The following LARP4B variants were observed in gnomAD, a reference collection of about 807,000 sequenced individuals.
The protein encoded by LARP4B is la-related protein 4B.
LARP4B carries 12 observed loss-of-function variants against 89.8 expected under a neutral mutation model. The ratio of observed to expected loss-of-function variants is 0.13; its 90% CI spans 0.09 to 0.22. LARP4B has a LOEUF of 0.22. Ranked by LOEUF, LARP4B falls within the 10% of genes least tolerant of loss-of-function variation. The pLI, the probability that LARP4B is intolerant of heterozygous loss-of-function variation, is 1.00. For missense variants in LARP4B, 757 were observed against 947.7 expected, an observed-to-expected ratio of 0.80 and a Z score of 2.64; for synonymous variants, 367 against 363.3, an observed-to-expected ratio of 1.01 and a Z score of -0.12.
Position 825,177 on chromosome 10 carries a change from C to T in LARP4B, c.1372G>A (p.Gly458Ser). Residue 458 changes from glycine to serine, a missense_variant, in exon 13 of 18, where the codon GGT (glycine) becomes AGT (serine). Around this residue, in one of 5 missense-constraint regions of LARP4B, gnomAD observed 387 missense variants for 423.6 expected, o/e 0.91. Coordinates refer to ENST00000316157, the MANE Select transcript of LARP4B (RefSeq NM_015155.3). ...TTTTGAATCCGTGTTCTAGTTTGAC[C>T]TGCTTGCCTTGTTTGTGGACTCCGG... ...GVRSPQTRQA[G>S]QTRTRIQNPS... The T allele has an allele frequency of 1.2e-6, 2 of 1,614,206 alleles. No individual in the cohort carries two copies. The highest frequency in any genetic ancestry group is 1.7e-6 in the Non-Finnish European group (2 of 1,180,042).
At chr10:838,026 A>G (rs916195167) in intron 7 of LARP4B, among the ~76,000 whole-genome samples, 8 of 152,198 alleles carry the variant, frequency 5.3e-5, no homozygotes, top group Non-Finnish European at 8.8e-5. Context: ...CATCATTGAC[A>G]ATGTGACCGT....
At chr10:879,016 C>T (rs1246487401) in intron 3 of LARP4B, among the ~76,000 whole-genome samples, 1 of 152,118 alleles carries the variant, frequency 6.6e-6, no homozygotes, top group East Asian at 1.9e-4. Flanking sequence ...GTCACACTTC[C>T]ACAACAAGAG....
At chr10:898,352 G>A (rs906927274) in intron 1 of LARP4B, among the ~76,000 whole-genome samples, 1 of 152,110 alleles carries the variant, frequency 6.6e-6, no homozygotes, top group Non-Finnish European at 1.5e-5. Flanking sequence ...GTTAAACACC[G>A]AGTTACCATA....
intron 1 of LARP4B, among the ~76,000 whole-genome samples, chr10:902,346 C>T (rs1836367315): frequency 1.3e-5 from 2 of 152,216 alleles, no homozygotes; most frequent in Admixed American, 1.3e-4. Context: ...TCATGGCCCT[C>T]GGAGTACCAC....
rs1016955875 is a variant in LARP4B, at chr10:811,977, C to T, written c.*949G>A. On this transcript the variant is annotated 3_prime_UTR_variant, in exon 18 of 18. Transcript: ENST00000316157. ...GGAAAAACCACAAACACCATTCTCT[C>T]ACGATTACATAACTCTTAAATCCAT... is the stretch of plus-strand genomic sequence containing the variant. 1 of 152,498 alleles carries T rather than the reference C, an allele frequency of 6.6e-6. No individual in the cohort carries two copies. The highest frequency in any genetic ancestry group is 1.5e-5 in the Non-Finnish European group (1 of 68,046). 9.4% of individuals were successfully genotyped at this position (152,498 alleles called of 1,614,324 possible).
At chr10:886,116 AAAAT>A (rs904013219) in intron 1 of LARP4B, among the ~76,000 whole-genome samples, 3 of 152,272 alleles carry the variant, frequency 2.0e-5, no homozygotes, top group South Asian at 2.1e-4. Context: ...ACTCGATAGC[AAAAT>A]AAATAAATAA....
At chr10:983,185 TA>T in the LARP4B span, among the ~76,000 whole-genome samples, 1 of 152,254 alleles carries the variant, frequency 6.6e-6, no homozygotes, top group Admixed American at 6.5e-5. Context: ...GCCAATGCAG[TA>T]GGCATCAGTA....
chr10:873,715 T>C (rs566705583), intron 3 of LARP4B, among the ~76,000 whole-genome samples: 3 of 152,154 alleles, frequency 2.0e-5, no homozygotes, highest in African/African-American at 7.2e-5. Flanking sequence ...AAAAAATAAA[T>C]AGCAATAAAA....
the LARP4B span, among the ~76,000 whole-genome samples, chr10:955,716 C>T: frequency 3.3e-5 from 5 of 152,076 alleles, no homozygotes; most frequent in Admixed American, 3.3e-4. This position sits in a 1 kb window ranked among gnomAD's most constrained non-coding sequence, Gnocchi z 5.2. Flanking sequence ...GTTCTTTCTG[C>T]TTTAAGTTGA....
Position 843,025 on chromosome 10 carries a change from T to C in LARP4B, c.553A>G (p.Ser185Gly). 4 of 1,613,888 alleles carry C rather than the reference T, an allele frequency of 2.5e-6. No homozygotes were observed. In the East Asian group the frequency reaches 8.9e-5, roughly 36 times the overall value. ...SDMYLISQMD[S>G]DQYVPITTVA... ...GTTGTGATTGGCACATACTGGTCAC[T>C]ATCCATCTGTGATATAAGATACATG... The change falls in exon 7 of 18, where the codon AGT becomes GGT. Residue 185 changes from serine (S) to glycine (G), a missense_variant. Physicochemically the swap from Ser to Gly is moderately conservative, Grantham distance 56. This residue lies in a region of LARP4B where 54 missense variants were observed against 96.0 expected (regional missense o/e 0.56). Coordinates refer to ENST00000316157, the MANE Select transcript of LARP4B (RefSeq NM_015155.3).
chr10:918,420 C>G (rs1836885439), intron 1 of LARP4B, among the ~76,000 whole-genome samples: 1 of 151,998 alleles, frequency 6.6e-6, no homozygotes. Context: ...ATTGCTTGAG[C>G]CCAGGAGTTT....
the LARP4B span, among the ~76,000 whole-genome samples, chr10:944,759 C>G: frequency 6.6e-6 from 1 of 151,810 alleles, no homozygotes; most frequent in African/African-American, 2.4e-5. Flanking sequence ...AAGTCCTGGC[C>G]CTAAGTTCTA....
intron 3 of LARP4B, among the ~76,000 whole-genome samples, chr10:868,458 G>A (rs1475077715): frequency 1.3e-5 from 2 of 150,990 alleles, no homozygotes; most frequent in South Asian, 2.1e-4. Context: ...ATCGTTAAAC[G>A]TGGTAACGCT....
intron 13 of LARP4B, among the ~76,000 whole-genome samples, chr10:823,143 C>A (rs78663447): frequency 0.018 from 2,748 of 152,274 alleles, 94 homozygotes; most frequent in African/African-American, 0.061. Context: ...CAGAAACAGG[C>A]TGCAGGAGTT....
At chr10:948,458 G>C in the LARP4B span, among the ~76,000 whole-genome samples, 1 of 152,202 alleles carries the variant, frequency 6.6e-6, no homozygotes, top group Non-Finnish European at 1.5e-5. Flanking sequence ...ATGTTGGTCA[G>C]GCAGGTCTCG....
Position 885,665 on chromosome 10 carries a change from C to T in LARP4B, c.57G>A (p.Gln19=). 6.2e-7 allele frequency: 1 copy of T among 1,614,148 alleles called. No homozygotes were observed. Among genetic ancestry groups the T allele is most frequent in the Non-Finnish European group, 8.5e-7 (1 of 1,180,014 alleles). ...CCAGATGAGCGCTGTCCTTGCCCTC[C>T]TGGACTCTCTGCGTCTGCGGTTCAG... ...VVAEPQTQRV[Q]EGKDSAHLMN... Residue 19 remains glutamine, a synonymous_variant, in exon 2 of 18, where the codon CAG becomes CAA. Transcript: ENST00000316157.
chr10:814,879 C>T lies in LARP4B; in HGVS notation c.1821-29G>A. 6.3e-7 allele frequency: 1 copy of T among 1,580,846 alleles called. No homozygotes were observed. Among genetic ancestry groups the T allele is most frequent in the Admixed American group, 1.7e-5 (1 of 58,260 alleles). On this transcript the variant is annotated intron_variant, in intron 16 of 17. Coordinates refer to ENST00000316157, the MANE Select transcript of LARP4B (RefSeq NM_015155.3). The surrounding 1 kb of genome is among the most constrained non-coding windows in gnomAD (Gnocchi z 4.4). ...TAAAAATGCCACCCGATATTTGAAT[C>T]TCATGCAACATCACAGGCCATTCAA...
chr10:951,437 C>A, the LARP4B span, among the ~76,000 whole-genome samples: 6 of 151,870 alleles, frequency 4.0e-5, no homozygotes, highest in African/African-American at 1.2e-4. Context: ...AATCCCAACT[C>A]GAGAGGCTGA....
intron 1 of LARP4B, among the ~76,000 whole-genome samples, chr10:893,080 C>CT (rs578053984): frequency 0.013 from 1,734 of 137,586 alleles, 33 homozygotes; most frequent in African/African-American, 0.043. Flanking sequence ...CCTTTTTTTT[C>CT]TTTTTTTTTT....
Sources: allele counts gnomAD v4.1 joint callset (sites outside exome capture counted in the v4.1 genomes callset), GRCh38; gene constraint gnomAD v4.1.1; regional missense constraint gnomAD v4.1.1; non-coding constraint Gnocchi (gnomAD v3.1); transcripts MANE v1.5; gene names NCBI Gene and HGNC (gene_info 2026-07-23, HGNC 2026-07-21).